The following DLGAP1 variants were observed in gnomAD, a reference collection of about 807,000 sequenced individuals.
DLGAP1 encodes the protein disks large-associated protein 1.
DLGAP1 carries 11 observed loss-of-function variants against 90.8 expected under a neutral mutation model. The observed-to-expected ratio is 0.12, with a 90% CI of 0.08 to 0.20. The LOEUF is 0.20. Among genes scored for constraint, DLGAP1 ranks in the 10% least tolerant of loss-of-function variants. The probability of loss-of-function intolerance (pLI) is 1.00; values close to 1 mark genes in which losing one functional copy is unlikely to be tolerated. For synonymous variants in DLGAP1, 558 were observed against 540.7 expected, an observed-to-expected ratio of 1.03 and a Z score of -0.44; for missense variants, 1,050 against 1,333.8, an observed-to-expected ratio of 0.79 and a Z score of 3.31.
chr18:3,614,644 C>T (rs1185295693), intron 7 of DLGAP1, among the ~76,000 whole-genome samples: 2 of 146,032 alleles, frequency 1.4e-5, no homozygotes, highest in African/African-American at 2.5e-5. Context: ...AGTTTGAGAC[C>T]AGCCTGACCA....
chr18:3,617,968 C>G (rs1261239674), intron 7 of DLGAP1, among the ~76,000 whole-genome samples: 1 of 151,986 alleles, frequency 6.6e-6, no homozygotes. Context: ...ACCCGGGAGG[C>G]GGAGGTTGCT....
At chr18:3,926,546 ATC>A (rs1205110893) in intron 3 of DLGAP1, among the ~76,000 whole-genome samples, 1 of 151,806 alleles carries the variant, frequency 6.6e-6, no homozygotes, top group East Asian at 1.9e-4. Context: ...ATGCAGACAC[ATC>A]TCTCTCTATA....
intron 1 of DLGAP1, among the ~76,000 whole-genome samples, chr18:4,352,862 A>G (rs920017304): frequency 4.6e-5 from 7 of 152,142 alleles, no homozygotes; most frequent in African/African-American, 1.7e-4. Flanking sequence ...ACTTTTGTAA[A>G]TGTGGGAGGA....
chr18:4,300,105 G>A (rs2143240964), intron 1 of DLGAP1, among the ~76,000 whole-genome samples: 1 of 152,170 alleles, frequency 6.6e-6, no homozygotes, highest in Non-Finnish European at 1.5e-5. Context: ...TTATACAAAA[G>A]CATATAGAGA....
intron 7 of DLGAP1, among the ~76,000 whole-genome samples, chr18:3,583,342 TTCTC>T (rs377145941): frequency 1.3e-5 from 2 of 151,224 alleles, no homozygotes; most frequent in African/African-American, 4.9e-5. Context: ...TTCCTTTTCC[TTCTC>T]TCTCTCTCTC....
chr18:3,579,792 T>G (rs932416439), intron 8 of DLGAP1, among the ~76,000 whole-genome samples: 2 of 152,208 alleles, frequency 1.3e-5, no homozygotes, highest in Non-Finnish European at 2.9e-5. Flanking sequence ...TCTACCATTT[T>G]CATGAAATGC....
At chr18:3,677,681 C>T (rs1049750916) in intron 7 of DLGAP1, among the ~76,000 whole-genome samples, 8 of 152,120 alleles carry the variant, frequency 5.3e-5, no homozygotes, top group African/African-American at 1.2e-4. Context: ...TTATTTGAAA[C>T]GGAGTCTCAC....
At chr18:3,712,740 A>G (rs554368754) in intron 7 of DLGAP1, among the ~76,000 whole-genome samples, 3 of 152,208 alleles carry the variant, frequency 2.0e-5, no homozygotes, top group Admixed American at 2.0e-4. Context: ...CCCACAGTGC[A>G]TATGGGAAAA....
intron 7 of DLGAP1, chr18:3,603,153 C>T (rs3810058): frequency 6.6e-6 from 1 of 152,090 alleles, no homozygotes; most frequent in Non-Finnish European, 1.5e-5. Flanking sequence ...CGAGGTTCAG[C>T]CCATTTGCAG....
chr18:4,329,617 C>G (rs558937191), intron 1 of DLGAP1, among the ~76,000 whole-genome samples: 1 of 152,016 alleles, frequency 6.6e-6, no homozygotes, highest in East Asian at 1.9e-4. Context: ...GTTGAGTCAT[C>G]TAATCTGTGA....
intron 7 of DLGAP1, among the ~76,000 whole-genome samples, chr18:3,647,887 C>T (rs983617841): frequency 3.9e-5 from 6 of 152,156 alleles, no homozygotes; most frequent in Non-Finnish European, 8.8e-5. Flanking sequence ...GTTATGGCTA[C>T]GAAGTTTGAA....
intron 3 of DLGAP1, among the ~76,000 whole-genome samples, chr18:3,984,642 T>C (rs958420743): frequency 1.3e-5 from 2 of 152,062 alleles, no homozygotes; most frequent in Admixed American, 1.3e-4. Flanking sequence ...TTCCTTGCCA[T>C]TCCTTCATTT....
intron 1 of DLGAP1, among the ~76,000 whole-genome samples, chr18:4,452,042 T>A (rs2083848678): frequency 6.6e-6 from 1 of 152,128 alleles, no homozygotes; most frequent in South Asian, 2.1e-4. Flanking sequence ...AACCTAAAAT[T>A]GTATCATTTT....
chr18:4,335,824 G>C (rs1418096823), intron 1 of DLGAP1, among the ~76,000 whole-genome samples: 1 of 151,996 alleles, frequency 6.6e-6, no homozygotes, highest in African/African-American at 2.4e-5. Context: ...GACTGCGTTA[G>C]AAAAAAAAGT....
At chr18:4,274,806 A>C (rs1415025052) in intron 1 of DLGAP1, among the ~76,000 whole-genome samples, 2 of 152,216 alleles carry the variant, frequency 1.3e-5, no homozygotes, top group Admixed American at 1.3e-4. Flanking sequence ...GAACACACTA[A>C]ACCATTTAAA....
rs184543550 is a variant in DLGAP1, at chr18:4,371,978, T to C, written c.-267+83028A>G. Among the ~76,000 whole-genome samples the C allele has an allele frequency of 4.6e-5, 7 of 152,338 alleles. No homozygotes were observed. In the East Asian group the frequency reaches 1.3e-3, roughly 29 times the overall value. On this transcript the variant is annotated intron_variant, in intron 1 of 12. Transcript: ENST00000315677. ...TAGAATATTAAGACCAGGCTGCTGT[T>C]CTTGGGTAGAGAAAATCATCTCTTC...
chr18:3,577,378 T>C (rs1287349499), intron 8 of DLGAP1, among the ~76,000 whole-genome samples: 1 of 152,254 alleles, frequency 6.6e-6, no homozygotes, highest in Non-Finnish European at 1.5e-5. Flanking sequence ...TATTAAACTG[T>C]CTCTGTTTAA....
intron 7 of DLGAP1, among the ~76,000 whole-genome samples, chr18:3,634,438 T>C (rs1448579095): frequency 1.3e-5 from 2 of 152,182 alleles, no homozygotes; most frequent in Non-Finnish European, 2.9e-5. Flanking sequence ...TTAAGAGACA[T>C]TTTTGGACTT....
Position 4,258,010 on chromosome 18 carries a change from T to TGTGTGTGC in DLGAP1, c.-266-106724_-266-106723insGCACACAC, listed in dbSNP as rs529531621. On this transcript the variant is annotated intron_variant, in intron 1 of 12. Transcript: ENST00000315677. ...GTGTGTGTGTGTGTGTGTGTGTGTG[T>TGTGTGTGC]GCGCGCGCGCGCGTATAACCTATGT... Among the ~76,000 whole-genome samples the TGTGTGTGC allele has an allele frequency of 5.3e-3, 728 of 137,064 alleles. 3 individuals carry two copies. Among genetic ancestry groups the TGTGTGTGC allele is most frequent in the South Asian group, 7.3e-3 (33 of 4,512 alleles). 89.9% of individuals were successfully genotyped at this position (137,064 alleles called of 152,430 possible).
Sources: allele counts gnomAD v4.1 joint callset (sites outside exome capture counted in the v4.1 genomes callset), GRCh38; gene constraint gnomAD v4.1.1; transcripts MANE v1.5; gene names NCBI Gene and HGNC (gene_info 2026-07-23, HGNC 2026-07-21).